ABHD1: variants seen among roughly 807,000 people sequenced by gnomAD.
ABHD1 encodes protein ABHD1.
A neutral mutation model predicts 41.4 loss-of-function variants in ABHD1; 47 were observed. That is an observed-to-expected ratio of 1.13 (90% CI 0.90 to 1.45). The LOEUF is 1.45. Ranked by LOEUF, ABHD1 falls within the 40% of genes most tolerant of loss-of-function variation. ABHD1 has a pLI of 0.00. For missense variants in ABHD1, 550 were observed against 503.4 expected (o/e 1.09, Z -0.89); for synonymous variants, 205 against 203.7 (o/e 1.01, Z -0.05).
Position 27,130,301 on chromosome 2 carries a change from A to T in ABHD1, c.891A>T (p.Gly297=). Reference sequence around the variant, plus strand: ...AGCGCTACACATCTGTGGCCTTTGGATATCAAGACTGTGTTACCTACTACA... The same window carrying T: ...AGCGCTACACATCTGTGGCCTTTGGTTATCAAGACTGTGTTACCTACTACA... ...FDERYTSVAF[G]YQDCVTYYKA... The change falls in exon 8 of 9, where the codon GGA becomes GGT. Residue 297 remains glycine (G), a synonymous_variant. Coordinates refer to ENST00000316470, the MANE Select transcript of ABHD1 (RefSeq NM_032604.4). 3.7e-6 allele frequency: 6 copies of T among 1,614,104 alleles called. No homozygotes were observed. Among genetic ancestry groups the T allele is most frequent in the Non-Finnish European group, 5.1e-6 (6 of 1,180,012 alleles).
chr2:27,128,498 A>G lies in ABHD1; in HGVS notation c.172A>G (p.Ile58Val). Residue 58 changes from isoleucine (I) to valine (V), a missense_variant, in exon 2 of 9, where the codon ATC (isoleucine) becomes GTC (valine). Physicochemically the swap from Ile to Val is conservative, Grantham distance 29. Transcript: ENST00000316470. ...GGCCTTCCTGGAGCCACACTGTTCC[A>G]TCACCACCGAGACTTTCTACCCAAC... ...FLAFLEPHCS[I>V]TTETFYPTLW... The G allele has an allele frequency of 6.2e-7, 1 of 1,612,098 alleles. No homozygotes were observed. Among genetic ancestry groups the G allele is most frequent in the Non-Finnish European group, 8.5e-7 (1 of 1,179,308 alleles).
intron 1 of ABHD1, among the ~76,000 whole-genome samples, chr2:27,127,236 CTTTTTTTTTT>C (rs61505752): frequency 1.5e-4 from 12 of 82,712 alleles, no homozygotes; most frequent in African/African-American, 3.8e-4. Flanking sequence ...GTAGCTTCAT[CTTTTTTTTTT>C]TTTTTTTTTT....
chr2:27,129,264 G>C, intron 3 of ABHD1, 52 bp from the exon 4 acceptor site: 1 of 1,611,002 alleles, frequency 6.2e-7, no homozygotes, highest in East Asian at 2.2e-5. Context: ...AATACTGAAA[G>C]GGGAGAGGGG....
At position 27,124,356 on chromosome 2, in the gene ABHD1, C is replaced by T. The variant is rs186396136; in HGVS notation, c.114+294C>T. The T allele has an allele frequency of 3.6e-5, 17 of 471,282 alleles. No individual in the cohort carries two copies. The East Asian group carries it at 4.6e-4, about 13-fold the overall frequency. The allele number at this position is 471,282 out of a possible 1,614,324, so 29.2% of individuals were successfully genotyped here. A position where few individuals can be genotyped will look rare whatever the true frequency, so the allele number is the denominator to read the frequency against. On this transcript the variant is annotated intron_variant, in intron 1 of 8. Transcript: ENST00000316470. ...AGGTATCAGAGATGTGCACACTTTG[C>T]GTTCCTTTTTAGGTGGTTTAGCTGA...
At chr2:27,125,931 C>T (rs1671940193) in intron 1 of ABHD1, 2 of 149,242 alleles carry the variant, frequency 1.3e-5, no homozygotes, top group Non-Finnish European at 3.0e-5. Context: ...GATAGCAACT[C>T]AAAATCTTGG....
In ABHD1 at chr2:27,130,718, T is replaced by C. The variant is rs1672211172; in HGVS notation, c.1192T>C (p.Leu398=). ...GGGGCTGCCTGACCTCAGGGCTCTC[T>C]TACCTTCTGAGGACAGAAACAGCTG... ...PEGLPDLRAL[L]PSEDRNS is the part of the protein sequence containing the mutation. Residue 398 remains leucine (L), a synonymous_variant, in exon 9 of 9, where the codon TTA becomes CTA. Coordinates refer to ENST00000316470, the MANE Select transcript of ABHD1 (RefSeq NM_032604.4). 6.2e-7 allele frequency: 1 copy of C among 1,614,094 alleles called. No individual in the cohort carries two copies.
chr2:27,130,548 C>T lies in ABHD1; in HGVS notation c.1022C>T (p.Ala341Val), dbSNP rs746333981. Reference sequence around the variant, plus strand: ...CCTCTCCTAGCCCTTCCCATACAGGCCGCCCAACACTCCCCCTACGTTGCG... The same window carrying T: ...CCTCTCCTAGCCCTTCCCATACAGGTCGCCCAACACTCCCCCTACGTTGCG... The part of the protein sequence containing the change: ...FSPVCALPIQ[A>V]AQHSPYVALL... The change falls in exon 9 of 9, where the codon GCC (alanine) becomes GTC (valine). Residue 341 changes from alanine (A) to valine (V), a missense_variant. Physicochemically the swap from Ala to Val is moderately conservative, Grantham distance 64. Coordinates refer to ENST00000316470, the MANE Select transcript of ABHD1 (RefSeq NM_032604.4). The T allele has an allele frequency of 1.1e-5, 17 of 1,614,054 alleles. No individual in the cohort carries two copies. In the East Asian group the frequency reaches 3.3e-4, roughly 32 times the overall value.
intron 1 of ABHD1, 70 bp downstream of exon 1, chr2:27,124,132 G>T: frequency 7.1e-7 from 1 of 1,418,150 alleles, no homozygotes; most frequent in East Asian, 2.3e-5. Flanking sequence ...ACGGGCTTGG[G>T]CCCTTGGTGG....
chr2:27,127,567 A>AAAAAAAAG (rs1672020855), intron 1 of ABHD1, among the ~76,000 whole-genome samples: 4 of 55,546 alleles, frequency 7.2e-5, no homozygotes, highest in African/African-American at 1.4e-4. Context: ...AAAAAAAAAA[A>AAAAAAAAG]AAAAGAAAAA....
In ABHD1 at chr2:27,124,070, C is replaced by A. The variant is rs1427005598; in HGVS notation, c.114+8C>A. ...TGGGCATGTGTGCTTCAGGTGGGTGCGGGTCCACCGCTCTGGCCAGCGGGT... is the reference window on the plus strand; with the variant it reads ...TGGGCATGTGTGCTTCAGGTGGGTGAGGGTCCACCGCTCTGGCCAGCGGGT... On this transcript the variant is annotated splice_region_variant and intron_variant, in intron 1 of 8. Coordinates refer to ENST00000316470, the MANE Select transcript of ABHD1 (RefSeq NM_032604.4). 1 of 1,612,210 alleles carries A rather than the reference C, an allele frequency of 6.2e-7. No individual in the cohort carries two copies.
intron 1 of ABHD1, 36 bp from the exon 2 acceptor site, chr2:27,128,405 G>A: frequency 6.2e-7 from 1 of 1,612,668 alleles, no homozygotes; most frequent in Non-Finnish European, 8.5e-7. Context: ...TGGTGCAAAA[G>A]TCAGGGAAGT....
Position 27,130,247 on chromosome 2 carries a change from G to A in ABHD1, c.841-4G>A. 2 of 1,614,134 alleles carry A rather than the reference G, an allele frequency of 1.2e-6. No homozygotes were observed. The highest frequency in any genetic ancestry group is 1.1e-5 in the South Asian group (1 of 91,076). Reference sequence around the variant, plus strand: ...CTTAGCCTATCCTATGGTAAGACCTGCAGGCCCGTACAATCCGCCAGTTTG... The same window carrying A: ...CTTAGCCTATCCTATGGTAAGACCTACAGGCCCGTACAATCCGCCAGTTTG... On this transcript the variant is annotated splice_polypyrimidine_tract_variant and splice_region_variant and intron_variant, in intron 7 of 8. Transcript: ENST00000316470.
chr2:27,125,991 TCAGA>T (rs1671942406), intron 1 of ABHD1: 1 of 150,962 alleles, frequency 6.6e-6, no homozygotes. Context: ...GGCTCTAGAG[TCAGA>T]CAGACCTGGG....
In ABHD1 at chr2:27,129,627, G is replaced by C; in HGVS notation, c.617+1G>C. On this transcript the variant is annotated splice_donor_variant, in intron 5 of 8. Transcript: ENST00000316470. LOFTEE classifies it high-confidence loss of function. ...TGGCCGTGGGCATCTCTTTTGGAGG[G>C]TAAAGATTGCCTGGGCTTAGCCCAG... The C allele has an allele frequency of 1.2e-6, 2 of 1,612,246 alleles. No homozygotes were observed. The highest frequency in any genetic ancestry group is 1.7e-6 in the Non-Finnish European group (2 of 1,179,964).
Position 27,130,126 on chromosome 2 carries a change from G to A in ABHD1, c.813G>A (p.Lys271=). 2.5e-6 allele frequency: 4 copies of A among 1,614,178 alleles called. No individual in the cohort carries two copies. The highest frequency in any genetic ancestry group is 3.4e-6 in the Non-Finnish European group (4 of 1,180,036). Residue 271 remains lysine (K), a synonymous_variant, in exon 7 of 9, where the codon AAG becomes AAA. Transcript: ENST00000316470. The part of the protein sequence containing the change: ...LVERNRKVIE[K]VVDIDFVLQA... ...GCAGAAACAGAAAGGTGATTGAAAA[G>A]GTGGTGGACATAGACTTTGTACTAC...
In ABHD1 at chr2:27,130,804, C is replaced by A; in HGVS notation, c.*60C>A. 1.3e-6 allele frequency: 2 copies of A among 1,559,824 alleles called. No homozygotes were observed. The highest frequency in any genetic ancestry group is 2.2e-5 in the South Asian group (2 of 88,990). Reference sequence around the variant, plus strand: ...CCTTGTTTATTAAATATCAACTTTTCCTGCCTAATGGGCTGAGGTTCATTT... The same window carrying A: ...CCTTGTTTATTAAATATCAACTTTTACTGCCTAATGGGCTGAGGTTCATTT... On this transcript the variant is annotated 3_prime_UTR_variant, in exon 9 of 9. Transcript: ENST00000316470.
chr2:27,124,210 T>A, intron 1 of ABHD1, 148 bp downstream of exon 1: 1 of 760,130 alleles, frequency 1.3e-6, no homozygotes, highest in Non-Finnish European at 2.3e-6. Context: ...CGGCTCTGCC[T>A]CTCTAGTGCC....
rs1672033022 is a variant in ABHD1, at chr2:27,127,768, G to A, written c.115-673G>A. On this transcript the variant is annotated intron_variant, in intron 1 of 8. Transcript: ENST00000316470. ...GTAGAATCGGGGTTTCACCATGTTG[G>A]CCAGGATGGTCTCCATCTCTTGACC... Among the ~76,000 whole-genome samples the A allele has an allele frequency of 3.3e-5, 5 of 151,776 alleles. 1 individual carries two copies. In the South Asian group the frequency reaches 1.0e-3, roughly 32 times the overall value.
intron 3 of ABHD1, 87 bp downstream of exon 3, chr2:27,129,214 A>G: frequency 1.3e-6 from 2 of 1,592,846 alleles, no homozygotes; most frequent in East Asian, 2.2e-5. Flanking sequence ...AGATAAGAAG[A>G]ATGCTACACA....
Sources: gnomAD v4.1 joint callset for allele counts (sites outside exome capture counted in the v4.1 genomes callset) on GRCh38, gnomAD v4.1.1 for gene constraint, MANE v1.5 for transcripts, NCBI Gene and HGNC (gene_info 2026-07-23, HGNC 2026-07-21) for gene names.